TIAM2: variants seen among roughly 807,000 people sequenced by gnomAD.
TIAM2 encodes the protein TIAM Rac1 associated GEF 2.
A neutral mutation model predicts 152.9 loss-of-function variants in TIAM2; 80 were observed. The ratio of observed to expected loss-of-function variants is 0.52; its 90% confidence interval spans 0.44 to 0.63. TIAM2 has a LOEUF of 0.63. TIAM2 is among the 30% of genes least tolerant of loss of function. The probability of loss-of-function intolerance (pLI) is 0.00; values close to 1 mark genes in which losing one functional copy is unlikely to be tolerated. For missense variants in TIAM2, 1,965 were observed against 2,120.1 expected, an observed-to-expected ratio of 0.93 and a Z score of 1.44; for synonymous variants, 804 against 838.0, an observed-to-expected ratio of 0.96 and a Z score of 0.70.
intron 7 of TIAM2, among the ~76,000 whole-genome samples, chr6:155,154,694 C>T (rs183659047): frequency 6.4e-4 from 98 of 152,234 alleles, no homozygotes; most frequent in South Asian, 3.7e-3. Flanking sequence ...TCATTATGTG[C>T]GATTTCCAGG....
At chr6:155,238,188 C>T (rs961843085) in intron 15 of TIAM2, among the ~76,000 whole-genome samples, 14 of 152,204 alleles carry the variant, frequency 9.2e-5, no homozygotes, top group South Asian at 2.1e-4. Flanking sequence ...GGCAAAATGC[C>T]GCCAAGCTGT....
chr6:155,251,437 C>T (rs1270793660), intron 22 of TIAM2, among the ~76,000 whole-genome samples: 1 of 152,120 alleles, frequency 6.6e-6, no homozygotes, highest in African/African-American at 2.4e-5. Flanking sequence ...CAGGTGCTCG[C>T]CACCACGCCC....
intron 15 of TIAM2, among the ~76,000 whole-genome samples, chr6:155,236,292 G>A (rs773459360): frequency 7.2e-5 from 11 of 151,756 alleles, no homozygotes; most frequent in East Asian, 1.9e-4. Flanking sequence ...CAAGCAGAAC[G>A]CGAGCTGTAT....
At position 155,137,202 on chromosome 6, in the gene TIAM2, A is replaced by C; in HGVS notation, c.1220A>C (p.Asp407Ala). The C allele has an allele frequency of 6.2e-7, 1 of 1,613,578 alleles. No individual in the cohort carries two copies. The highest frequency in any genetic ancestry group is 8.5e-7 in the Non-Finnish European group (1 of 1,179,494). ...GAGCCGAGGTCCAAGGAGGGCAGTG[A>C]CTACTTTGACAGTCGCTCTGATGGA... The part of the protein sequence containing the change: ...LQEPRSKEGS[D>A]YFDSRSDGLN... Residue 407 changes from aspartate to alanine, a missense_variant, in exon 5 of 27, where the codon GAC becomes GCC. Asp to Ala is a moderately radical substitution (Grantham distance 126). Coordinates refer to ENST00000682666, the MANE Select transcript of TIAM2 (RefSeq NM_012454.4).
In TIAM2 at chr6:155,156,279, C is replaced by T. The variant is rs1223822242; in HGVS notation, c.2028+7945C>T. Among the ~76,000 whole-genome samples the T allele has an allele frequency of 1.3e-5, 2 of 152,122 alleles. No individual in the cohort carries two copies. The highest frequency in any genetic ancestry group is 2.9e-5 in the Non-Finnish European group (2 of 68,022). ...GTAGGACTGTCTGTCACTCTCTCCT[C>T]CCGGTACCACTGCAGAAGCCTCCGG... On this transcript the variant is annotated intron_variant, in intron 7 of 26. Coordinates refer to ENST00000682666, the MANE Select transcript of TIAM2 (RefSeq NM_012454.4). The surrounding 1 kb of genome is among the most constrained non-coding windows in gnomAD (Gnocchi z 4.4).
At chr6:155,183,734 A>G (rs542761442) in intron 14 of TIAM2, among the ~76,000 whole-genome samples, 1 of 151,922 alleles carries the variant, frequency 6.6e-6, no homozygotes, top group East Asian at 1.9e-4. Flanking sequence ...AATAACATTT[A>G]AAAAAAAATC....
At chr6:155,170,583 AGAGT>A (rs1228586607) in intron 9 of TIAM2, among the ~76,000 whole-genome samples, 1 of 152,218 alleles carries the variant, frequency 6.6e-6, no homozygotes, top group Admixed American at 6.5e-5. Flanking sequence ...CCTGGGTGGC[AGAGT>A]AAGACCCCAT....
chr6:155,069,966 G>GT (rs1293880342), intron 1 of TIAM2, among the ~76,000 whole-genome samples: 1 of 142,544 alleles, frequency 7.0e-6, no homozygotes, highest in South Asian at 2.3e-4. Flanking sequence ...AGGCTGGAGT[G>GT]TAGTGGCTCG....
At chr6:155,177,085 C>T in intron 10 of TIAM2, 108 bp downstream of exon 10, 1 of 1,080,168 alleles carries the variant, frequency 9.3e-7, no homozygotes, top group Non-Finnish European at 1.3e-6. Context: ...GTTTCCATGC[C>T]AGGGAACATA....
intron 1 of TIAM2, among the ~76,000 whole-genome samples, chr6:155,017,093 C>T (rs1392473173): frequency 1.3e-5 from 2 of 151,972 alleles, no homozygotes; most frequent in Non-Finnish European, 2.9e-5. Flanking sequence ...TGGGAAAGTT[C>T]GAGACTAGAA....
chr6:155,002,839 T>C (rs2475866), intron 1 of TIAM2, among the ~76,000 whole-genome samples: 35,237 of 151,096 alleles, frequency 0.23, 4,487 homozygotes, highest in East Asian at 0.38. Flanking sequence ...CACCACCACA[T>C]CCAGCTAAGT....
At chr6:155,037,810 G>A (rs1051946904) in intron 1 of TIAM2, among the ~76,000 whole-genome samples, 2 of 152,134 alleles carry the variant, frequency 1.3e-5, no homozygotes, top group Non-Finnish European at 2.9e-5. Flanking sequence ...GATTGCAGGT[G>A]TGAGCCACCG....
chr6:155,033,770 G>A (rs1776866754), intron 1 of TIAM2, among the ~76,000 whole-genome samples: 2 of 150,294 alleles, frequency 1.3e-5, no homozygotes, highest in Non-Finnish European at 3.0e-5. Flanking sequence ...AGGCTTGAGT[G>A]CAGTGGTGCC....
At chr6:155,230,870 G>C (rs555013771) in intron 15 of TIAM2, among the ~76,000 whole-genome samples, 1 of 145,152 alleles carries the variant, frequency 6.9e-6, no homozygotes, top group Admixed American at 7.1e-5. Flanking sequence ...GTCTCGCTCT[G>C]TCACCCAGGC....
chr6:155,021,789 G>T (rs1257462413), intron 1 of TIAM2, among the ~76,000 whole-genome samples: 1 of 152,178 alleles, frequency 6.6e-6, no homozygotes, highest in East Asian at 1.9e-4. Context: ...TCAAAGGTAG[G>T]ACTGAAACTC....
At position 155,251,030 on chromosome 6, in the gene TIAM2, T is replaced by A. The variant is rs781672381; in HGVS notation, c.4060+9T>A. 6.2e-7 allele frequency: 1 copy of A among 1,611,548 alleles called. No homozygotes were observed. Among genetic ancestry groups the A allele is most frequent in the South Asian group, 1.1e-5 (1 of 91,024 alleles). ...TGAGCTCACAGTATTTGGTTAGTAT[T>A]CCATTCAGAAGAATGCAGACTGAAC... On this transcript the variant is annotated intron_variant, in intron 22 of 26. Coordinates refer to ENST00000682666, the MANE Select transcript of TIAM2 (RefSeq NM_012454.4).
At chr6:155,242,410 A>C (rs893323010) in intron 16 of TIAM2, among the ~76,000 whole-genome samples, 2 of 152,322 alleles carry the variant, frequency 1.3e-5, no homozygotes, top group Middle Eastern at 3.4e-3. Flanking sequence ...GTGTTCCCTG[A>C]GATATGATTC....
intron 1 of TIAM2, among the ~76,000 whole-genome samples, chr6:155,056,615 GACTA>G (rs58610613): frequency 0.16 from 24,014 of 151,842 alleles, 2,116 homozygotes; most frequent in East Asian, 0.33. Context: ...TTTATCTCTT[GACTA>G]ACTTATTCTT....
intron 16 of TIAM2, among the ~76,000 whole-genome samples, chr6:155,242,727 C>T (rs1783103419): frequency 6.6e-6 from 1 of 151,988 alleles, no homozygotes; most frequent in African/African-American, 2.4e-5. Context: ...CTGGTCTTGC[C>T]TTCAAATTAT....
Sources: gnomAD v4.1 joint callset for allele counts (sites outside exome capture counted in the v4.1 genomes callset) on GRCh38, gnomAD v4.1.1 for gene constraint, Gnocchi (gnomAD v3.1) non-coding constraint, MANE v1.5 for transcripts, NCBI Gene and HGNC (gene_info 2026-07-23, HGNC 2026-07-21) for gene names.